The following CIT variants were observed in gnomAD, a reference collection of about 807,000 sequenced individuals.
CIT encodes the protein citron rho-interacting serine/threonine kinase.
In CIT, 79 loss-of-function variants were observed where a neutral mutation model predicts 272.7. That is an observed-to-expected ratio of 0.29 (90% confidence interval 0.24 to 0.35). The LOEUF (loss-of-function observed/expected upper bound fraction) is 0.35, where lower values mean the gene tolerates loss of function less well. CIT is among the 10% of genes least tolerant of loss of function. CIT has a pLI of 1.00. For missense variants in CIT, 1,909 were observed against 2,618.3 expected, an observed-to-expected ratio of 0.73 and a Z score of 5.91; for synonymous variants, 948 against 995.6, an observed-to-expected ratio of 0.95 and a Z score of 0.90.
At chr12:119,761,726 A>G (rs1484669772) in intron 19 of CIT, among the ~76,000 whole-genome samples, 1 of 152,180 alleles carries the variant, frequency 6.6e-6, no homozygotes, top group Non-Finnish European at 1.5e-5. Flanking sequence ...GGGAGAAAAA[A>G]AAGTCACTGG....
chr12:119,801,617 G>A (rs1966209629), intron 10 of CIT, among the ~76,000 whole-genome samples: 1 of 152,162 alleles, frequency 6.6e-6, no homozygotes, highest in Non-Finnish European at 1.5e-5. Context: ...AGTACGACGT[G>A]TGACCTTCAG....
chr12:119,747,695 GGCAA>G (rs2137375433), intron 23 of CIT, among the ~76,000 whole-genome samples: 3 of 152,246 alleles, frequency 2.0e-5, no homozygotes, highest in African/African-American at 7.2e-5. Context: ...ACTCCAGCCT[GGCAA>G]GAGAGTGAGA....
At position 119,802,899 on chromosome 12, in the gene CIT, A is replaced by G. The variant is rs564215068; in HGVS notation, c.1295+307T>C. ...ATTTCTCCTTTGACCGGGGATCTGCACTGCTGGAAATCTCCCACTCTCTCC... is the reference window on the plus strand; with the variant it reads ...ATTTCTCCTTTGACCGGGGATCTGCGCTGCTGGAAATCTCCCACTCTCTCC... On this transcript the variant is annotated intron_variant, in intron 10 of 47. Transcript: ENST00000392521. Among the ~76,000 whole-genome samples the G allele has an allele frequency of 4.6e-5, 7 of 152,278 alleles. No homozygotes were observed. The South Asian group carries it at 1.0e-3, about 23-fold the overall frequency.
At chr12:119,810,627 C>T (rs1332341433) in intron 9 of CIT, among the ~76,000 whole-genome samples, 1 of 150,656 alleles carries the variant, frequency 6.6e-6, no homozygotes, top group Non-Finnish European at 1.5e-5. Flanking sequence ...CCCTCAAACC[C>T]GGGAGACAGA....
chr12:119,710,409 G>T lies in CIT; in HGVS notation c.4936-23C>A, dbSNP rs1171818633. 1 of 1,613,828 alleles carries T rather than the reference G, an allele frequency of 6.2e-7. No individual in the cohort carries two copies. The highest frequency in any genetic ancestry group is 1.3e-5 in the African/African-American group (1 of 74,896). ...CACCTGCAAGGGCAGAAGTCCGAAG[G>T]CAGAACATAAGCACGGTCACGTCAC... is the stretch of plus-strand genomic sequence containing the variant. On this transcript the variant is annotated intron_variant, in intron 38 of 47. Coordinates refer to ENST00000392521, the MANE Select transcript of CIT (RefSeq NM_001206999.2). The surrounding 1 kb of genome is among the most constrained non-coding windows in gnomAD (Gnocchi z 5.6).
At position 119,713,286 on chromosome 12, in the gene CIT, T is replaced by C. The variant is rs1394207296; in HGVS notation, c.4496A>G (p.Lys1499Arg). 1.2e-6 allele frequency: 2 copies of C among 1,613,968 alleles called. No homozygotes were observed. Among genetic ancestry groups the C allele is most frequent in the South Asian group, 1.1e-5 (1 of 91,066 alleles). Residue 1499 changes from lysine to arginine, a missense_variant, in exon 35 of 48, where the codon AAA becomes AGA. Around this residue, in one of 8 missense-constraint regions of CIT, gnomAD observed 780 missense variants for 1,067.2 expected, o/e 0.73. Transcript: ENST00000392521. The surrounding 1 kb of genome is among the most constrained non-coding windows in gnomAD (Gnocchi z 5.2). ...EGWMKVPRNN[K>R]RGQQGWDRKY... The stretch of plus-strand genomic sequence containing the variant: ...CCTGTCCCAGCCTTGCTGTCCTCGT[T>C]TGTTATTCCTGGGGAAAGAAAGATG...
Position 119,686,726 on chromosome 12 carries a change from A to G in CIT, c.*1506T>C, listed in dbSNP as rs1280364740. ...CTTGTGGGAGATTAAAGGCAGAAAT[A>G]AGGCCGCGAGTTAGCTTGCCAACTG... On this transcript the variant is annotated 3_prime_UTR_variant, in exon 48 of 48. Transcript: ENST00000392521. The G allele has an allele frequency of 2.0e-5, 3 of 152,488 alleles. No homozygotes were observed. Among genetic ancestry groups the G allele is most frequent in the African/African-American group, 7.2e-5 (3 of 41,442 alleles). 9.4% of individuals were successfully genotyped at this position (152,488 alleles called of 1,614,324 possible).
At chr12:119,860,440 T>C (rs919125779) in intron 3 of CIT, among the ~76,000 whole-genome samples, 1 of 152,236 alleles carries the variant, frequency 6.6e-6, no homozygotes, top group African/African-American at 2.4e-5. Context: ...GTAACAAGCC[T>C]GTCTTCCTTC....
chr12:119,714,085 C>T (rs1206723738), intron 33 of CIT, 112 bp downstream of exon 33: 7 of 1,273,156 alleles, frequency 5.5e-6, no homozygotes, highest in African/African-American at 3.0e-5. Context: ...GTAAGAAGCT[C>T]GAAAATGAAT....
intron 5 of CIT, among the ~76,000 whole-genome samples, chr12:119,838,760 G>A (rs957524779): frequency 3.3e-5 from 5 of 152,120 alleles, no homozygotes; most frequent in Non-Finnish European, 7.3e-5. Context: ...GACGACAAAG[G>A]GCTGGAAAAT....
At chr12:119,849,242 C>T (rs778361534) in intron 5 of CIT, among the ~76,000 whole-genome samples, 2 of 152,120 alleles carry the variant, frequency 1.3e-5, no homozygotes, top group Non-Finnish European at 2.9e-5. Context: ...GCCCGGCCAA[C>T]GTGGTAAAAC....
intron 2 of CIT, among the ~76,000 whole-genome samples, chr12:119,871,278 C>T (rs1162210238): frequency 6.6e-6 from 1 of 152,156 alleles, no homozygotes; most frequent in African/African-American, 2.4e-5. Context: ...CCACAAGTGA[C>T]CCCAGCTGAC....
intron 23 of CIT, 89 bp from the exon 24 acceptor site, chr12:119,742,553 C>A: frequency 3.1e-6 from 3 of 960,582 alleles, no homozygotes; most frequent in South Asian, 1.6e-5. Context: ...TAGCAATTTG[C>A]CTGGAAAGCC....
chr12:119,724,930 CAAAAAAAAAAA>C (rs35757526), intron 28 of CIT, among the ~76,000 whole-genome samples: 16 of 44,550 alleles, frequency 3.6e-4, no homozygotes, highest in East Asian at 9.8e-4. Context: ...GACTCCATCT[CAAAAAAAAAAA>C]AAAAAAAAAA....
chr12:119,772,293 C>T (rs770242181), intron 17 of CIT, among the ~76,000 whole-genome samples: 2 of 152,076 alleles, frequency 1.3e-5, no homozygotes, highest in East Asian at 3.9e-4. Flanking sequence ...TAAAATTATA[C>T]AAATGATTTC....
chr12:119,843,185 G>A (rs1291557024), intron 5 of CIT, among the ~76,000 whole-genome samples: 1 of 152,196 alleles, frequency 6.6e-6, no homozygotes, highest in Non-Finnish European at 1.5e-5. Flanking sequence ...AGTTCAGGAT[G>A]TTAAGGTAGA....
intron 9 of CIT, among the ~76,000 whole-genome samples, chr12:119,814,802 C>T (rs1228353807): frequency 1.3e-5 from 2 of 151,974 alleles, no homozygotes; most frequent in Non-Finnish European, 2.9e-5. Flanking sequence ...TTTGGGAGGC[C>T]GAGGCGGGCG....
chr12:119,759,364 C>T (rs1961446912), intron 20 of CIT, among the ~76,000 whole-genome samples: 1 of 152,184 alleles, frequency 6.6e-6, no homozygotes, highest in African/African-American at 2.4e-5. Context: ...CGAATGCCGC[C>T]AGCCGGGCGC....
In CIT at chr12:119,751,673, C is replaced by T. The variant is rs185112681; in HGVS notation, c.2904+377G>A. Among the ~76,000 whole-genome samples the T allele has an allele frequency of 3.7e-3, 517 of 139,622 alleles. 1 individual carries two copies. Among genetic ancestry groups the T allele is most frequent in the African/African-American group, 0.013 (492 of 37,894 alleles). The allele number at this position is 139,622 out of a possible 152,430, so 91.6% of individuals were successfully genotyped here. On this transcript the variant is annotated intron_variant, in intron 23 of 47. Transcript: ENST00000392521. The stretch of plus-strand genomic sequence containing the variant: ...AAAAAGTAAAAATATGGTAGAAAAA[C>T]TACTATAAGATTATTATTATTATTT...
Sources: gnomAD v4.1 joint callset for allele counts (sites outside exome capture counted in the v4.1 genomes callset) on GRCh38, gnomAD v4.1.1 for gene constraint, gnomAD v4.1.1 regional missense constraint, Gnocchi (gnomAD v3.1) non-coding constraint, MANE v1.5 for transcripts, NCBI Gene and HGNC (gene_info 2026-07-23, HGNC 2026-07-21) for gene names.